Variants in ALMS1 observed in about 807,000 individuals in gnomAD.
ALMS1 encodes the protein ALMS1 centrosome and basal body associated protein, also known as centrosome-associated protein ALMS1.
In ALMS1, 271 loss-of-function variants were observed where a neutral mutation model predicts 352.2. That is an observed-to-expected ratio of 0.77 (90% CI 0.70 to 0.85). ALMS1 has a LOEUF of 0.85. ALMS1 is among the 40% of genes least tolerant of loss of function. The probability of loss-of-function intolerance (pLI) is 0.00; values close to 1 mark genes in which losing one functional copy is unlikely to be tolerated. For missense variants in ALMS1, 5,445 were observed against 4,870.7 expected, an observed-to-expected ratio of 1.12 and a Z score of -3.51; for synonymous variants, 1,865 against 1,761.2, an observed-to-expected ratio of 1.06 and a Z score of -1.48.
At chr2:73,467,075 G>T (rs1459658819) in intron 9 of ALMS1, among the ~76,000 whole-genome samples, 2 of 149,936 alleles carry the variant, frequency 1.3e-5, no homozygotes, top group African/African-American at 4.9e-5. Flanking sequence ...TCTTCATGAT[G>T]TTGGGTTAGG....
At chr2:73,550,582 A>G in intron 13 of ALMS1, 145 bp downstream of exon 13, 1 of 910,900 alleles carries the variant, frequency 1.1e-6, no homozygotes, top group East Asian at 2.7e-5. Flanking sequence ...ACAAGAAGGC[A>G]AAATTTCATA....
intron 10 of ALMS1, among the ~76,000 whole-genome samples, chr2:73,508,677 G>A (rs1473668882): frequency 6.6e-6 from 1 of 152,128 alleles, no homozygotes; most frequent in Admixed American, 6.5e-5. Context: ...CTGTTGATTT[G>A]GGGTGTAGAG....
chr2:73,544,447 A>G (rs11895770), intron 12 of ALMS1, among the ~76,000 whole-genome samples: 2,473 of 152,294 alleles, frequency 0.016, 68 homozygotes, highest in African/African-American at 0.056. Flanking sequence ...GCACACCAAC[A>G]TGGCACATGT....
rs572605877 is a variant in ALMS1 at position 73,448,711 on chromosome 2, A to G, written c.2184A>G (p.Gln728=). 9 of 1,605,040 alleles carry G rather than the reference A, an allele frequency of 5.6e-6. No homozygotes were observed. Among genetic ancestry groups the G allele is most frequent in the South Asian group, 4.4e-5 (4 of 90,472 alleles). The change falls in exon 8 of 23, where the codon CAA becomes CAG. Residue 728 remains glutamine, a synonymous_variant. Transcript: ENST00000613296. The part of the protein sequence containing the change: ...HREKPGIFYQ[Q]EFADSHQTEE... ...AGAAGCCTGGTATTTTTTACCAACA[A>G]GAGTTCGCAGACAGTCATCAAACTG...
Position 73,452,976 on chromosome 2 carries a change from T to C in ALMS1, c.6449T>C (p.Ile2150Thr), listed in dbSNP as rs993358334. 1.9e-6 allele frequency: 3 copies of C among 1,612,374 alleles called. No homozygotes were observed. The highest frequency in any genetic ancestry group is 1.7e-6 in the Non-Finnish European group (2 of 1,179,166). Residue 2150 changes from isoleucine (I) to threonine (T), a missense_variant, in exon 8 of 23, where the codon ATT (isoleucine) becomes ACT (threonine). Physicochemically the swap from Ile to Thr is moderately conservative, Grantham distance 89 (BLOSUM62 -1). Transcript: ENST00000613296. ...SSFSHREKPD[I>T]FYQKDLPDRH... is the part of the protein sequence containing the mutation. ...TTTTCACATCGAGAGAAACCAGATA[T>C]TTTCTATCAAAAGGATTTGCCAGAT...
At position 73,424,424 on chromosome 2, in the gene ALMS1, T is replaced by G; in HGVS notation, c.765-6T>G. 1 of 1,531,516 alleles carries G rather than the reference T, an allele frequency of 6.5e-7. No individual in the cohort carries two copies. Among genetic ancestry groups the G allele is most frequent in the Non-Finnish European group, 8.8e-7 (1 of 1,136,720 alleles). 94.9% of individuals were successfully genotyped at this position (1,531,516 alleles called of 1,614,324 possible). A position where few individuals can be genotyped will look rare whatever the true frequency, so the allele number is the denominator to read the frequency against. ...TATTTATTTATTTTTAACTATATAT[T>G]TTCAGGGGAATTCCTGATAAGTCTG... On this transcript the variant is annotated splice_polypyrimidine_tract_variant and splice_region_variant and intron_variant, in intron 4 of 22. Transcript: ENST00000613296.
chr2:73,540,929 T>A (rs1363171291), intron 12 of ALMS1, among the ~76,000 whole-genome samples: 2 of 152,162 alleles, frequency 1.3e-5, no homozygotes, highest in Admixed American at 6.5e-5. Context: ...ATGTGAGGAC[T>A]TTAACTCCCC....
At chr2:73,599,338 T>G in intron 16 of ALMS1, 63 bp from the exon 17 acceptor site, 1 of 1,600,424 alleles carries the variant, frequency 6.2e-7, no homozygotes. Flanking sequence ...GGCTTGCTTA[T>G]CCTGTGGATA....
chr2:73,549,284 C>A (rs2104031443), intron 12 of ALMS1, among the ~76,000 whole-genome samples: 1 of 152,186 alleles, frequency 6.6e-6, no homozygotes, highest in African/African-American at 2.4e-5. Flanking sequence ...ACTTTCAAAT[C>A]TTTTACTTAT....
At chr2:73,589,004 C>A (rs1342859604) in intron 16 of ALMS1, among the ~76,000 whole-genome samples, 2 of 151,780 alleles carry the variant, frequency 1.3e-5, no homozygotes, top group Non-Finnish European at 2.9e-5. Context: ...AATATACATA[C>A]CTATGTGTAT....
chr2:73,597,781 C>G (rs941445526), intron 16 of ALMS1, among the ~76,000 whole-genome samples: 3 of 142,198 alleles, frequency 2.1e-5, no homozygotes, highest in African/African-American at 7.7e-5. Context: ...TGACACAGAG[C>G]TTTTTTTTTT....
intron 1 of ALMS1, among the ~76,000 whole-genome samples, chr2:73,405,847 A>G (rs1558632428): frequency 6.6e-6 from 1 of 152,030 alleles, no homozygotes; most frequent in African/African-American, 2.4e-5. Flanking sequence ...TTTAATTTCT[A>G]TAAATTTCTT....
chr2:73,519,831 A>G lies in ALMS1; in HGVS notation c.9596A>G (p.Asp3199Gly). 1 of 1,613,990 alleles carries G rather than the reference A, an allele frequency of 6.2e-7. No homozygotes were observed. The highest frequency in any genetic ancestry group is 1.1e-5 in the South Asian group (1 of 91,072). Reference protein sequence around the residue: ...LSAFSEKLSSDAVTQITTESP... With the variant: ...LSAFSEKLSSGAVTQITTESP... Reference sequence around the variant, plus strand: ...GCTTTCTCTGAAAAATTGTCATCTGATGCAGTCACTCAGATAACAACAGAA... The same window carrying G: ...GCTTTCTCTGAAAAATTGTCATCTGGTGCAGTCACTCAGATAACAACAGAA... Residue 3199 changes from aspartate to glycine, a missense_variant, in exon 11 of 23, where the codon GAT (aspartate) becomes GGT (glycine). Transcript: ENST00000613296.
intron 12 of ALMS1, among the ~76,000 whole-genome samples, chr2:73,545,521 C>A (rs199654802): frequency 6.6e-6 from 1 of 152,076 alleles, no homozygotes; most frequent in East Asian, 1.9e-4. Flanking sequence ...GTTAAAAAAA[C>A]TTAAGAAGTT....
chr2:73,470,307 T>A (rs1221298891), intron 9 of ALMS1: 1 of 151,810 alleles, frequency 6.6e-6, no homozygotes, highest in East Asian at 1.9e-4. Context: ...TTTCTTCCTT[T>A]AAAAATAGGC....
rs373013570 is a variant in ALMS1 at position 73,519,868 on chromosome 2, G to T, written c.9633G>T (p.Lys3211Asn). The part of the protein sequence containing the change: ...VTQITTESPE[K>N]TLFSSEIFIN... ...AGATAACAACAGAAAGTCCAGAAAA[G>T]ACCCTATTTTCATCTGAGATTTTTA... The change falls in exon 11 of 23, where the codon AAG becomes AAT. Residue 3211 changes from lysine to asparagine, a missense_variant. Coordinates refer to ENST00000613296, the MANE Select transcript of ALMS1 (RefSeq NM_001378454.1). 1 of 1,614,046 alleles carries T rather than the reference G, an allele frequency of 6.2e-7. No homozygotes were observed.
At chr2:73,404,217 C>T (rs1358093445) in intron 1 of ALMS1, among the ~76,000 whole-genome samples, 1 of 152,118 alleles carries the variant, frequency 6.6e-6, no homozygotes, top group South Asian at 2.1e-4. Flanking sequence ...CTAACAGTGT[C>T]GATTTTAGTC....
chr2:73,598,046 T>A (rs1675589445), intron 16 of ALMS1, among the ~76,000 whole-genome samples: 1 of 152,202 alleles, frequency 6.6e-6, no homozygotes, highest in African/African-American at 2.4e-5. Context: ...TTAGTAAATA[T>A]TTGTTGTCAA....
chr2:73,503,300 C>T (rs933708113), intron 10 of ALMS1, among the ~76,000 whole-genome samples: 2 of 151,962 alleles, frequency 1.3e-5, no homozygotes, highest in African/African-American at 4.8e-5. Flanking sequence ...TTCCTGTGTC[C>T]ATGTGTTCTC....
Sources: allele counts gnomAD v4.1 joint callset (sites outside exome capture counted in the v4.1 genomes callset), GRCh38; gene constraint gnomAD v4.1.1; transcripts MANE v1.5; gene names NCBI Gene and HGNC (gene_info 2026-07-23, HGNC 2026-07-21).